The following SOX5 variants were observed in gnomAD, a reference collection of about 807,000 sequenced individuals.
The protein encoded by SOX5 is transcription factor SOX-5.
SOX5 carries 9 observed loss-of-function variants against 92.0 expected under a neutral mutation model. The ratio of observed to expected loss-of-function variants is 0.10; its 90% CI spans 0.06 to 0.17. The LOEUF (loss-of-function observed/expected upper bound fraction) is 0.17. Among genes scored for constraint, SOX5 ranks in the 10% least tolerant of loss-of-function variants. The pLI, the probability that SOX5 is intolerant of heterozygous loss-of-function variation, is 1.00. For missense variants in SOX5, 642 were observed against 944.5 expected (o/e 0.68, Z 4.20); for synonymous variants, 344 against 336.3 (o/e 1.02, Z -0.25).
chr12:24,171,221 GTTTGT>G (rs1565581246), intron 4 of SOX5, among the ~76,000 whole-genome samples: 3 of 46,068 alleles, frequency 6.5e-5, no homozygotes, highest in African/African-American at 2.2e-4. Context: ...TTTTTTGTTT[GTTTGT>G]TTGTTTTTTT....
chr12:23,758,698 T>A (rs1295563306), intron 3 of SOX5, among the ~76,000 whole-genome samples: 2 of 151,946 alleles, frequency 1.3e-5, no homozygotes, highest in African/African-American at 2.4e-5. Context: ...AAAGCATGTG[T>A]TGAAAATTTA....
At chr12:23,582,118 A>G (rs890506420) in intron 9 of SOX5, 5 of 981,784 alleles carry the variant, frequency 5.1e-6, no homozygotes, top group Non-Finnish European at 6.0e-6. Context: ...TAGGGAAGTT[A>G]CATGACAGCC....
At chr12:24,151,539 T>TA (rs1951651513) in intron 4 of SOX5, among the ~76,000 whole-genome samples, 1 of 152,156 alleles carries the variant, frequency 6.6e-6, no homozygotes, top group Non-Finnish European at 1.5e-5. Flanking sequence ...TTGAAGGTGG[T>TA]AGTAGTGATG....
intron 3 of SOX5, among the ~76,000 whole-genome samples, chr12:23,810,561 G>A (rs567453593): frequency 7.2e-5 from 11 of 152,146 alleles, no homozygotes; most frequent in East Asian, 5.8e-4. Context: ...GTCTTCTAGG[G>A]CCATTCGACA....
intron 4 of SOX5, among the ~76,000 whole-genome samples, chr12:24,140,294 G>C (rs1950469195): frequency 6.6e-6 from 1 of 151,986 alleles, no homozygotes; most frequent in Non-Finnish European, 1.5e-5. Flanking sequence ...GTGATGTTCA[G>C]AAAAAAGGGA....
chr12:24,250,903 C>T (rs993708905), intron 3 of SOX5, among the ~76,000 whole-genome samples: 1 of 152,202 alleles, frequency 6.6e-6, no homozygotes, highest in Admixed American at 6.5e-5. Context: ...TGTATACTGG[C>T]TCTCATACTG....
chr12:23,913,777 G>A (rs1281975545), intron 1 of SOX5, among the ~76,000 whole-genome samples: 1 of 150,310 alleles, frequency 6.7e-6, no homozygotes, highest in African/African-American at 2.4e-5. Context: ...GCACTGAATA[G>A]ATTGACAATT....
intron 1 of SOX5, among the ~76,000 whole-genome samples, chr12:24,443,257 T>C (rs1940940820): frequency 6.6e-6 from 1 of 152,276 alleles, no homozygotes; most frequent in South Asian, 2.1e-4. Context: ...CCGGCCAGTT[T>C]ATGGATTATT....
At chr12:24,403,785 A>G (rs1267023136) in intron 1 of SOX5, among the ~76,000 whole-genome samples, 1 of 152,236 alleles carries the variant, frequency 6.6e-6, no homozygotes, top group South Asian at 2.1e-4. Context: ...GCATTTCTCA[A>G]TACGCATATT....
chr12:24,496,865 T>C (rs11611654), intron 1 of SOX5, among the ~76,000 whole-genome samples: 27,573 of 152,168 alleles, frequency 0.18, 2,599 homozygotes, highest in Non-Finnish European at 0.2. Flanking sequence ...CACCTTGCTC[T>C]TTATGAATAT....
chr12:23,798,005 C>T (rs1186266460), intron 3 of SOX5, among the ~76,000 whole-genome samples: 1 of 151,868 alleles, frequency 6.6e-6, no homozygotes. Flanking sequence ...GATTCATTCC[C>T]TCAACTCCTT....
chr12:23,919,602 T>C (rs2138759382), intron 1 of SOX5, among the ~76,000 whole-genome samples: 1 of 152,298 alleles, frequency 6.6e-6, no homozygotes, highest in South Asian at 2.1e-4. Flanking sequence ...ACAACCACCA[T>C]GCCAGTGAGT....
intron 4 of SOX5, among the ~76,000 whole-genome samples, chr12:24,034,069 A>G (rs898842732): frequency 6.6e-6 from 1 of 152,072 alleles, no homozygotes; most frequent in Admixed American, 6.6e-5. Flanking sequence ...GACTTTAGAG[A>G]AACATAACTG....
intron 4 of SOX5, among the ~76,000 whole-genome samples, chr12:24,162,725 T>G (rs1184820450): frequency 6.6e-6 from 1 of 152,070 alleles, no homozygotes; most frequent in Non-Finnish European, 1.5e-5. Flanking sequence ...AAGGAATCCT[T>G]TTTTTACTCC....
chr12:24,376,937 C>A (rs1957347261), intron 1 of SOX5, among the ~76,000 whole-genome samples: 1 of 150,848 alleles, frequency 6.6e-6, no homozygotes, highest in Admixed American at 6.6e-5. Flanking sequence ...TTTTGAACTC[C>A]TGGCCTCAAG....
At chr12:24,199,100 A>G (rs1236509275) in intron 4 of SOX5, among the ~76,000 whole-genome samples, 1 of 152,268 alleles carries the variant, frequency 6.6e-6, no homozygotes, top group East Asian at 1.9e-4. Flanking sequence ...CGGCCTGATG[A>G]GGTCTCACTG....
At chr12:24,389,249 T>A (rs1958736970) in intron 1 of SOX5, among the ~76,000 whole-genome samples, 1 of 152,198 alleles carries the variant, frequency 6.6e-6, no homozygotes, top group Admixed American at 6.5e-5. Flanking sequence ...GAATGATGAT[T>A]TCCAATTTCA....
At chr12:24,433,664 A>C (rs1938821435) in intron 1 of SOX5, among the ~76,000 whole-genome samples, 1 of 152,236 alleles carries the variant, frequency 6.6e-6, no homozygotes, top group African/African-American at 2.4e-5. Context: ...CATCTTCCTG[A>C]AACTTTCTTG....
chr12:24,017,084 T>C (rs1953716627), intron 4 of SOX5, among the ~76,000 whole-genome samples: 1 of 152,224 alleles, frequency 6.6e-6, no homozygotes, highest in South Asian at 2.1e-4. Context: ...TGTGAGGCAG[T>C]GTCGAGCCAC....
Sources: allele counts gnomAD v4.1 joint callset (sites outside exome capture counted in the v4.1 genomes callset), GRCh38; gene constraint gnomAD v4.1.1; transcripts MANE v1.5; gene names NCBI Gene and HGNC (gene_info 2026-07-23, HGNC 2026-07-21).